The following COL9A1 variants were observed in gnomAD, a reference collection of about 807,000 sequenced individuals.
COL9A1 encodes collagen type IX alpha 1 chain.
In COL9A1, 104 loss-of-function variants were observed where a neutral mutation model predicts 142.6. The ratio of observed to expected loss-of-function variants is 0.73; its 90% CI spans 0.62 to 0.86. The LOEUF is 0.86. Among genes scored for constraint, COL9A1 ranks in the 40% least tolerant of loss-of-function variants. The probability of loss-of-function intolerance (pLI) is 0.00; values close to 1 mark genes in which losing one functional copy is unlikely to be tolerated. For missense variants in COL9A1, 1,210 were observed against 1,176.6 expected, an observed-to-expected ratio of 1.03 and a Z score of -0.42; for synonymous variants, 466 against 396.0, an observed-to-expected ratio of 1.18 and a Z score of -2.10.
intron 17 of COL9A1, among the ~76,000 whole-genome samples, chr6:70,267,230 T>C (rs1317182739): frequency 6.6e-6 from 1 of 152,120 alleles, no homozygotes; most frequent in Non-Finnish European, 1.5e-5. Context: ...TCCTTCCTGA[T>C]GGTGGAGGAA....
At chr6:70,258,093 G>A (rs929222231) in intron 20 of COL9A1, among the ~76,000 whole-genome samples, 2 of 152,146 alleles carry the variant, frequency 1.3e-5, no homozygotes, top group Non-Finnish European at 2.9e-5. Context: ...CTAACATATT[G>A]TACACTATCA....
Position 70,252,069 on chromosome 6 carries a change from C to A in COL9A1, c.1872+51G>T. ...ATGGATGAATGAATGGAAGAACATC[C>A]AGCAAAGTCCTGAGAAGGTGCTTTA... On this transcript the variant is annotated intron_variant, in intron 28 of 37. Transcript: ENST00000357250. 3 of 1,572,422 alleles carry A rather than the reference C, an allele frequency of 1.9e-6. No individual in the cohort carries two copies. The South Asian group carries it at 3.3e-5, about 17-fold the overall frequency.
In COL9A1 at chr6:70,303,053, T is replaced by A; in HGVS notation, c.-129A>T. 1.0e-6 allele frequency: 1 copy of A among 995,042 alleles called. No homozygotes were observed. Among genetic ancestry groups the A allele is most frequent in the Non-Finnish European group, 1.6e-6 (1 of 617,902 alleles). The allele number at this position is 995,042 out of a possible 1,614,324, so 61.6% of individuals were successfully genotyped here. Reference sequence around the variant, plus strand: ...GTGTTCTGGGCCCAGCCTTGGTCCCTCCTGCCCCCGGTGAGGGCTAAAAGC... The same window carrying A: ...GTGTTCTGGGCCCAGCCTTGGTCCCACCTGCCCCCGGTGAGGGCTAAAAGC... On this transcript the variant is annotated 5_prime_UTR_variant, in exon 1 of 38. Coordinates refer to ENST00000357250, the MANE Select transcript of COL9A1 (RefSeq NM_001851.6).
At chr6:70,268,339 C>T (rs567171823) in intron 17 of COL9A1, among the ~76,000 whole-genome samples, 5 of 152,074 alleles carry the variant, frequency 3.3e-5, no homozygotes, top group African/African-American at 9.7e-5. Flanking sequence ...CTCAGCCTCC[C>T]GAGTAGCCAG....
chr6:70,302,829 A>G (rs1226438388), intron 1 of COL9A1, 82 bp downstream of exon 1: 1 of 1,463,660 alleles, frequency 6.8e-7, no homozygotes, highest in African/African-American at 1.4e-5. Context: ...TCATCTTACC[A>G]CTGCTGCAAA....
intron 15 of COL9A1, 91 bp downstream of exon 15, chr6:70,270,223 C>G: frequency 7.7e-7 from 1 of 1,297,868 alleles, no homozygotes; most frequent in Non-Finnish European, 1.1e-6. Context: ...GACAATGACT[C>G]AATTAATAGG....
chr6:70,253,105 C>T (rs1280704332), intron 26 of COL9A1, among the ~76,000 whole-genome samples: 1 of 151,996 alleles, frequency 6.6e-6, no homozygotes, highest in African/African-American at 2.4e-5. Context: ...ATAATATCTT[C>T]CTTATTTTAG....
chr6:70,247,607 C>G (rs1256386080), intron 28 of COL9A1, among the ~76,000 whole-genome samples: 1 of 152,158 alleles, frequency 6.6e-6, no homozygotes, highest in Non-Finnish European at 1.5e-5. Context: ...CCTAGGAGAT[C>G]AATTATGATT....
At chr6:70,247,820 C>T (rs1051224107) in intron 28 of COL9A1, among the ~76,000 whole-genome samples, 1 of 152,136 alleles carries the variant, frequency 6.6e-6, no homozygotes, top group Non-Finnish European at 1.5e-5. Flanking sequence ...TCTGTCCAAA[C>T]TCTAACCATC....
chr6:70,240,543 GA>G (rs1770181712), intron 32 of COL9A1, 145 bp downstream of exon 32: 1 of 406,694 alleles, frequency 2.5e-6, no homozygotes, highest in South Asian at 7.1e-5. Flanking sequence ...AACCTTTAAA[GA>G]AGGCAGTGAG....
intron 21 of COL9A1, among the ~76,000 whole-genome samples, chr6:70,255,680 G>A (rs1251319797): frequency 1.3e-5 from 2 of 152,134 alleles, no homozygotes; most frequent in South Asian, 2.1e-4. Flanking sequence ...AGTGGATTTC[G>A]ACATCAGTAA....
At chr6:70,294,053 C>A in intron 5 of COL9A1, 114 bp downstream of exon 5, 1 of 1,424,528 alleles carries the variant, frequency 7.0e-7, no homozygotes, top group Non-Finnish European at 9.9e-7. Flanking sequence ...CCTCTGATTC[C>A]AAATTCCATC....
At chr6:70,256,663 T>A (rs1273216178) in intron 21 of COL9A1, 105 bp downstream of exon 21, 1 of 858,534 alleles carries the variant, frequency 1.2e-6, no homozygotes, top group Non-Finnish European at 1.8e-6. Flanking sequence ...AATTGTCCAC[T>A]TTTCCACTTT....
chr6:70,263,389 A>T (rs2127583346), intron 18 of COL9A1, 92 bp from the exon 19 acceptor site: 1 of 1,092,498 alleles, frequency 9.2e-7, no homozygotes, highest in East Asian at 2.6e-5. Flanking sequence ...TTATGTTTTA[A>T]GTTAACTTGG....
intron 5 of COL9A1, among the ~76,000 whole-genome samples, chr6:70,289,454 T>A (rs1773577325): frequency 6.6e-6 from 1 of 152,190 alleles, no homozygotes; most frequent in Non-Finnish European, 1.5e-5. Context: ...TCACCAGCTC[T>A]AGTTCTGTGT....
At chr6:70,300,903 G>A (rs1217512289) in intron 2 of COL9A1, among the ~76,000 whole-genome samples, 1 of 152,148 alleles carries the variant, frequency 6.6e-6, no homozygotes, top group Non-Finnish European at 1.5e-5. Context: ...GGAGAGTAGA[G>A]TTCTTAGGAA....
chr6:70,254,382 A>G, intron 25 of COL9A1, 94 bp downstream of exon 25: 1 of 1,110,304 alleles, frequency 9.0e-7, no homozygotes, highest in South Asian at 1.3e-5. Flanking sequence ...TCTTCCCCAG[A>G]ACTTATCAGA....
chr6:70,270,983 G>A (rs1043206618), intron 14 of COL9A1, among the ~76,000 whole-genome samples: 1 of 152,154 alleles, frequency 6.6e-6, no homozygotes, highest in Non-Finnish European at 1.5e-5. Context: ...TTGATGTTCT[G>A]CCATAAAGAG....
At chr6:70,238,362 T>C (rs1770040623) in intron 33 of COL9A1, among the ~76,000 whole-genome samples, 2 of 152,240 alleles carry the variant, frequency 1.3e-5, no homozygotes, top group South Asian at 4.1e-4. Context: ...GCAAGTCATC[T>C]CAGGTTTCCT....
Sources: allele counts gnomAD v4.1 joint callset (sites outside exome capture counted in the v4.1 genomes callset), GRCh38; gene constraint gnomAD v4.1.1; transcripts MANE v1.5; gene names NCBI Gene and HGNC (gene_info 2026-07-23, HGNC 2026-07-21).